The following LPGAT1 variants were observed in gnomAD, a reference collection of about 807,000 sequenced individuals.
LPGAT1 encodes acyl-CoA:lysophosphatidylglycerol acyltransferase 1.
LPGAT1 carries 11 observed loss-of-function variants against 47.5 expected under a neutral mutation model. That is an observed-to-expected ratio of 0.23 (90% CI 0.15 to 0.38). The LOEUF is 0.38. Among genes scored for constraint, LPGAT1 ranks in the 10% least tolerant of loss-of-function variants. The pLI, the probability that LPGAT1 is intolerant of heterozygous loss-of-function variation, is 1.00. For synonymous variants in LPGAT1, 138 were observed against 144.2 expected (o/e 0.96, Z 0.31); for missense variants, 293 against 439.0 (o/e 0.67, Z 2.97).
At chr1:211,753,571 T>C (rs1305812272) in intron 6 of LPGAT1, among the ~76,000 whole-genome samples, 1 of 152,192 alleles carries the variant, frequency 6.6e-6, no homozygotes, top group African/African-American at 2.4e-5. Flanking sequence ...GCTATTATTG[T>C]ATTATTGCTA....
intron 6 of LPGAT1, among the ~76,000 whole-genome samples, chr1:211,754,226 C>T (rs575901993): frequency 1.6e-4 from 25 of 152,092 alleles, no homozygotes; most frequent in Non-Finnish European, 3.7e-4. Context: ...GTAGGGGCTG[C>T]GGGATCTGCA....
intron 3 of LPGAT1, among the ~76,000 whole-genome samples, 153 bp downstream of exon 3, chr1:211,792,919 C>G (rs922325645): frequency 2.0e-5 from 3 of 152,004 alleles, no homozygotes; most frequent in Non-Finnish European, 4.4e-5. Context: ...ACCCTGTTGT[C>G]CTGGATGGCC....
intron 2 of LPGAT1, among the ~76,000 whole-genome samples, chr1:211,805,237 A>G (rs534290219): frequency 6.6e-6 from 1 of 152,338 alleles, no homozygotes; most frequent in Non-Finnish European, 1.5e-5. Flanking sequence ...AATAACAGGA[A>G]TGAAAGAGAA....
intron 6 of LPGAT1, among the ~76,000 whole-genome samples, chr1:211,752,199 C>T (rs1186007416): frequency 6.6e-6 from 1 of 152,124 alleles, no homozygotes; most frequent in East Asian, 1.9e-4. Flanking sequence ...TTTTCATTTG[C>T]TTAATTTTCC....
chr1:211,789,641 G>T (rs1032760708), intron 3 of LPGAT1, among the ~76,000 whole-genome samples: 4 of 152,256 alleles, frequency 2.6e-5, no homozygotes, highest in African/African-American at 9.6e-5. Context: ...CAGCACTTTG[G>T]GAGGCTGAGG....
chr1:211,744,602 A>C lies in LPGAT1; in HGVS notation c.*5297T>G, dbSNP rs1656868484. On this transcript the variant is annotated 3_prime_UTR_variant, in exon 8 of 8. Coordinates refer to ENST00000366997, the MANE Select transcript of LPGAT1 (RefSeq NM_014873.3). Reference sequence around the variant, plus strand: ...ATTTTAGTTCTTTCCTGAGCAACTAAGTATACTGTGAGAATCAACTGGCTA... The same window carrying C: ...ATTTTAGTTCTTTCCTGAGCAACTACGTATACTGTGAGAATCAACTGGCTA... 1 of 152,254 alleles carries C rather than the reference A, an allele frequency of 6.6e-6. No homozygotes were observed. The highest frequency in any genetic ancestry group is 1.5e-5 in the Non-Finnish European group (1 of 68,040). 9.4% of individuals were successfully genotyped at this position (152,254 alleles called of 1,614,324 possible).
chr1:211,790,087 C>T (rs900210294), intron 3 of LPGAT1, among the ~76,000 whole-genome samples: 1 of 152,130 alleles, frequency 6.6e-6, no homozygotes, highest in Non-Finnish European at 1.5e-5. Context: ...CGTATCAAAA[C>T]ATCGTCTAGA....
At chr1:211,796,817 CTAAA>C (rs1471245010) in intron 2 of LPGAT1, among the ~76,000 whole-genome samples, 3 of 152,096 alleles carry the variant, frequency 2.0e-5, no homozygotes, top group Admixed American at 6.5e-5. Context: ...ATTTTCACTT[CTAAA>C]TACTTTCAGA....
In LPGAT1 at chr1:211,829,694, C is replaced by T. The variant is rs1660658672; in HGVS notation, c.-27-371G>A. The stretch of plus-strand genomic sequence containing the variant: ...AACCTCAGGATCTCCAAACTGAAGA[C>T]ACAAGTGACATGACCGAAACAGGGT... On this transcript the variant is annotated intron_variant, in intron 1 of 7. Coordinates refer to ENST00000366997, the MANE Select transcript of LPGAT1 (RefSeq NM_014873.3). The T allele has an allele frequency of 4.8e-6, 5 of 1,038,724 alleles. No homozygotes were observed. The South Asian group carries it at 1.4e-4, about 29-fold the overall frequency. The allele number at this position is 1,038,724 out of a possible 1,614,324, so 64.3% of individuals were successfully genotyped here.
intron 1 of LPGAT1, chr1:211,829,973 G>A (rs562957438): frequency 1.0e-6 from 1 of 985,610 alleles, no homozygotes; most frequent in East Asian, 1.1e-4. Flanking sequence ...GACAGGAGTA[G>A]GGGGAAGGGA....
intron 2 of LPGAT1, among the ~76,000 whole-genome samples, chr1:211,823,028 A>G (rs928170542): frequency 1.3e-5 from 2 of 152,222 alleles, no homozygotes; most frequent in Non-Finnish European, 2.9e-5. Flanking sequence ...AAAGAGTTGC[A>G]TCTTCAGAAA....
At chr1:211,765,470 T>C (rs1483573579) in intron 6 of LPGAT1, among the ~76,000 whole-genome samples, 2 of 152,210 alleles carry the variant, frequency 1.3e-5, no homozygotes, top group African/African-American at 2.4e-5. Context: ...CATTGTCCAA[T>C]TAAAATTAAA....
Position 211,830,511 on chromosome 1 carries a change from C to A in LPGAT1, c.-28+62G>T. 1 of 1,199,452 alleles carries A rather than the reference C, an allele frequency of 8.3e-7. No individual in the cohort carries two copies. The highest frequency in any genetic ancestry group is 1.0e-6 in the Non-Finnish European group (1 of 966,622). The allele number at this position is 1,199,452 out of a possible 1,614,324, so 74.3% of individuals were successfully genotyped here. The stretch of plus-strand genomic sequence containing the variant: ...ACGACACCCCCTTCCCCGCCCCCAG[C>A]GCCTCCCCTGGCCCGGCTCCGCTGC... On this transcript the variant is annotated intron_variant, in intron 1 of 7. Coordinates refer to ENST00000366997, the MANE Select transcript of LPGAT1 (RefSeq NM_014873.3). The surrounding 1 kb of genome is among the most constrained non-coding windows in gnomAD (Gnocchi z 5.9).
At chr1:211,817,208 C>T (rs1660204073) in intron 2 of LPGAT1, among the ~76,000 whole-genome samples, 1 of 152,148 alleles carries the variant, frequency 6.6e-6, no homozygotes, top group African/African-American at 2.4e-5. Context: ...ATATATTGAT[C>T]TCTGTTTTTC....
At position 211,769,000 on chromosome 1, in the gene LPGAT1, AG is replaced by A. The variant is rs1245439647; in HGVS notation, c.854+9917del. ...GGAATGACTAAGGAGTAGAAGGAAG[AG>A]GTCAAATAAGGCCTTAGATACCACT... On this transcript the variant is annotated intron_variant, in intron 6 of 7. Transcript: ENST00000366997. Among the ~76,000 whole-genome samples the A allele has an allele frequency of 4.6e-5, 7 of 152,182 alleles. 1 individual carries two copies. Among genetic ancestry groups the A allele is most frequent in the Admixed American group, 4.6e-4 (7 of 15,282 alleles).
intron 2 of LPGAT1, among the ~76,000 whole-genome samples, chr1:211,811,789 G>A (rs1478883755): frequency 2.1e-5 from 2 of 93,980 alleles, no homozygotes; most frequent in African/African-American, 3.1e-5. Context: ...CAGCCTGGGC[G>A]ACAGAGTGAG....
chr1:211,756,873 C>CTTT (rs200189758), intron 6 of LPGAT1, among the ~76,000 whole-genome samples: 1 of 139,918 alleles, frequency 7.1e-6, no homozygotes, highest in Admixed American at 7.1e-5. Flanking sequence ...TTTTTTTTCT[C>CTTT]TCTTTTTTTT....
rs944397215 is a variant in LPGAT1 at position 211,746,249 on chromosome 1, T to C, written c.*3650A>G. ...TAACATGAATCCAAGACAGCAACAC[T>C]AGAATAATGTTCCCAGGTTTACATT... is the stretch of plus-strand genomic sequence containing the variant. On this transcript the variant is annotated 3_prime_UTR_variant, in exon 8 of 8. Coordinates refer to ENST00000366997, the MANE Select transcript of LPGAT1 (RefSeq NM_014873.3). 1 of 152,600 alleles carries C rather than the reference T, an allele frequency of 6.6e-6. No individual in the cohort carries two copies. The highest frequency in any genetic ancestry group is 2.4e-5 in the African/African-American group (1 of 41,436). 9.5% of individuals were successfully genotyped at this position (152,600 alleles called of 1,614,324 possible).
In LPGAT1 at chr1:211,756,426, G is replaced by A. The variant is rs536641578; in HGVS notation, c.855-5359C>T. On this transcript the variant is annotated intron_variant, in intron 6 of 7. Coordinates refer to ENST00000366997, the MANE Select transcript of LPGAT1 (RefSeq NM_014873.3). Reference sequence around the variant, plus strand: ...GCTCACAGCAGCCTTGACTTCCCAGGCTCAAGTGATCCTCCCACCTCAGCC... The same window carrying A: ...GCTCACAGCAGCCTTGACTTCCCAGACTCAAGTGATCCTCCCACCTCAGCC... 2.6e-5 allele frequency among the ~76,000 whole-genome samples: 4 copies of A among 152,242 alleles called. No individual in the cohort carries two copies. In the South Asian group the frequency reaches 8.3e-4, roughly 32 times the overall value.
Sources: gnomAD v4.1 joint callset for allele counts (sites outside exome capture counted in the v4.1 genomes callset) on GRCh38, gnomAD v4.1.1 for gene constraint, Gnocchi (gnomAD v3.1) non-coding constraint, MANE v1.5 for transcripts, NCBI Gene and HGNC (gene_info 2026-07-23, HGNC 2026-07-21) for gene names.